The following COMMD10 variants were observed in gnomAD, a reference collection of about 807,000 sequenced individuals.
COMMD10 encodes COMM domain containing 10, also known as COMM domain-containing protein 10.
A neutral mutation model predicts 28.9 loss-of-function variants in COMMD10; 33 were observed. That is an observed-to-expected ratio of 1.14 (90% CI 0.87 to 1.53). The LOEUF (loss-of-function observed/expected upper bound fraction) is 1.53. Among genes scored for constraint, COMMD10 ranks in the 40% most tolerant of loss-of-function variants. COMMD10 has a pLI of 0.00. For synonymous variants in COMMD10, 110 were observed against 81.7 expected (o/e 1.35, Z -1.87); for missense variants, 310 against 233.4 (o/e 1.33, Z -2.14).
rs577209466 is a variant in COMMD10 at position 116,254,424 on chromosome 5, T to C, written c.511-37093T>C. ...ATTTTGGATCTTTCCTGCTTTCTCT[T>C]GTGGGCATTTAGTGCTATAAATTTC... On this transcript the variant is annotated intron_variant, in intron 5 of 6. Coordinates refer to ENST00000274458, the MANE Select transcript of COMMD10 (RefSeq NM_016144.4). 6.5e-4 allele frequency among the ~76,000 whole-genome samples: 98 copies of C among 151,706 alleles called. 2 individuals carry two copies. Among genetic ancestry groups the C allele is most frequent in the Middle Eastern group, 6.8e-3 (2 of 294 alleles).
chr5:116,228,167 C>T (rs1196185146), intron 5 of COMMD10, among the ~76,000 whole-genome samples: 1 of 151,794 alleles, frequency 6.6e-6, no homozygotes, highest in Non-Finnish European at 1.5e-5. Flanking sequence ...CTCAAGTTTG[C>T]TTACAGGTAA....
chr5:116,100,981 A>G (rs1168349563), intron 4 of COMMD10, among the ~76,000 whole-genome samples: 1 of 152,186 alleles, frequency 6.6e-6, no homozygotes, highest in Non-Finnish European at 1.5e-5. Context: ...CTTATGAGTA[A>G]GAATATGCAG....
intron 4 of COMMD10, among the ~76,000 whole-genome samples, chr5:116,108,054 C>T (rs886694499): frequency 2.6e-5 from 4 of 152,202 alleles, no homozygotes; most frequent in African/African-American, 4.8e-5. Context: ...AGCTTCTTTC[C>T]AGAGGGGCAC....
rs371063356 is a variant in COMMD10, at chr5:116,257,086, G to C, written c.511-34431G>C. 4.0e-5 allele frequency among the ~76,000 whole-genome samples: 6 copies of C among 151,682 alleles called. No homozygotes were observed. In the East Asian group the frequency reaches 9.7e-4, roughly 24 times the overall value. On this transcript the variant is annotated intron_variant, in intron 5 of 6. Transcript: ENST00000274458. Reference sequence around the variant, plus strand: ...TCTGTATTTTATTTTTTTTAGGTAAGAAGAAATATTGGAAACATTTGAGAG... The same window carrying C: ...TCTGTATTTTATTTTTTTTAGGTAACAAGAAATATTGGAAACATTTGAGAG...
chr5:116,085,375 C>G (rs1214596300), intron 1 of COMMD10: 5 of 426,456 alleles, frequency 1.2e-5, no homozygotes, highest in African/African-American at 2.1e-5. Flanking sequence ...GTCTGCGTCA[C>G]TGTTCGCGGA....
chr5:116,106,698 A>G (rs1228594252), intron 4 of COMMD10, among the ~76,000 whole-genome samples: 1 of 152,056 alleles, frequency 6.6e-6, no homozygotes, highest in African/African-American at 2.4e-5. Context: ...CTTAGAATAG[A>G]TAGCTCTTGT....
chr5:116,244,660 C>CAAAAAAAAAAA (rs60360733), intron 5 of COMMD10, among the ~76,000 whole-genome samples: 4 of 79,482 alleles, frequency 5.0e-5, no homozygotes, highest in Non-Finnish European at 9.0e-5. Flanking sequence ...AAAAAAATTA[C>CAAAAAAAAAAA]AAAAAAAAAA....
intron 5 of COMMD10, among the ~76,000 whole-genome samples, chr5:116,228,083 T>C (rs1297756317): frequency 6.6e-6 from 1 of 152,050 alleles, no homozygotes; most frequent in Non-Finnish European, 1.5e-5. Context: ...GCAGTGAATG[T>C]GAATACAGTT....
chr5:116,144,800 T>TA (rs2112542305), intron 5 of COMMD10, among the ~76,000 whole-genome samples: 1 of 151,930 alleles, frequency 6.6e-6, no homozygotes, highest in East Asian at 1.9e-4. Context: ...AGAGTGGAAG[T>TA]AGTGATACAG....
intron 5 of COMMD10, among the ~76,000 whole-genome samples, chr5:116,265,479 C>T (rs1750560231): frequency 6.6e-6 from 1 of 151,696 alleles, no homozygotes; most frequent in Non-Finnish European, 1.5e-5. Context: ...AATTTATCTA[C>T]TTATTGCTTA....
chr5:116,197,162 A>T (rs964933901), intron 5 of COMMD10, among the ~76,000 whole-genome samples: 5 of 152,144 alleles, frequency 3.3e-5, no homozygotes, highest in African/African-American at 1.2e-4. Context: ...AGCCTACATT[A>T]CAATCATAGA....
At chr5:116,086,073 T>C (rs888692484) in intron 1 of COMMD10, among the ~76,000 whole-genome samples, 3 of 152,202 alleles carry the variant, frequency 2.0e-5, no homozygotes, top group African/African-American at 7.2e-5. Flanking sequence ...TACAGAATTT[T>C]TGGGAATTTA....
At chr5:116,270,748 C>G (rs750724594) in intron 5 of COMMD10, among the ~76,000 whole-genome samples, 1 of 151,578 alleles carries the variant, frequency 6.6e-6, no homozygotes, top group African/African-American at 2.4e-5. Flanking sequence ...ACCAGCCTGA[C>G]GAACATGGTG....
chr5:116,201,919 GGTACAT>G, intron 5 of COMMD10, among the ~76,000 whole-genome samples: 1 of 151,360 alleles, frequency 6.6e-6, no homozygotes, highest in Non-Finnish European at 1.5e-5. Flanking sequence ...TAAGTTTTAG[GGTACAT>G]GTGCACAATG....
intron 5 of COMMD10, among the ~76,000 whole-genome samples, chr5:116,275,890 A>T (rs1253980354): frequency 6.6e-6 from 1 of 151,602 alleles, no homozygotes; most frequent in Non-Finnish European, 1.5e-5. Flanking sequence ...TAATATAAGT[A>T]TCCCCTATTC....
intron 4 of COMMD10, among the ~76,000 whole-genome samples, chr5:116,098,022 C>G (rs1750522665): frequency 6.6e-6 from 1 of 152,254 alleles, no homozygotes; most frequent in Admixed American, 6.5e-5. Context: ...AACCATGTCA[C>G]ATACCTTTTA....
chr5:116,202,562 T>C (rs1268574147), intron 5 of COMMD10, among the ~76,000 whole-genome samples: 1 of 151,904 alleles, frequency 6.6e-6, no homozygotes, highest in Admixed American at 6.6e-5. Context: ...TTCCTGACTT[T>C]TTAATGATTG....
At chr5:116,197,234 A>G (rs906400992) in intron 5 of COMMD10, among the ~76,000 whole-genome samples, 1 of 152,152 alleles carries the variant, frequency 6.6e-6, no homozygotes, top group Non-Finnish European at 1.5e-5. Flanking sequence ...ATTTGGTGGT[A>G]GTGTGCTTTG....
intron 4 of COMMD10, among the ~76,000 whole-genome samples, chr5:116,117,528 A>G (rs1751281685): frequency 6.6e-6 from 1 of 152,130 alleles, no homozygotes; most frequent in African/African-American, 2.4e-5. Flanking sequence ...CAGTGGCACG[A>G]TATCGGCTCA....
Sources: allele counts gnomAD v4.1 joint callset (sites outside exome capture counted in the v4.1 genomes callset), GRCh38; gene constraint gnomAD v4.1.1; transcripts MANE v1.5; gene names NCBI Gene and HGNC (gene_info 2026-07-23, HGNC 2026-07-21).